The following PVT1 variants were observed in gnomAD, a reference collection of about 807,000 sequenced individuals.
The protein encoded by PVT1 is Pvt1 oncogene.
chr8:127,880,874 C>T (rs1459660505), intron 2 of PVT1, among the ~76,000 whole-genome samples: 2 of 152,238 alleles, frequency 1.3e-5, no homozygotes, highest in East Asian at 1.9e-4. Context: ...GCTGGGATTA[C>T]AGGCGTGAGC....
intron 3 of PVT1, among the ~76,000 whole-genome samples, chr8:127,937,548 GACACACACACACAC>G (rs35147410): frequency 8.2e-5 from 10 of 122,630 alleles, no homozygotes; most frequent in East Asian, 2.4e-4. Context: ...TAGGGAAAAA[GACACACACACACAC>G]ACACACACAC....
At chr8:127,852,017 G>A (rs557514080) in intron 2 of PVT1, 1 of 152,360 alleles carries the variant, frequency 6.6e-6, no homozygotes, top group Non-Finnish European at 1.5e-5. Context: ...TTACAAGGGT[G>A]ATCTGGAGCC....
intron 2 of PVT1, among the ~76,000 whole-genome samples, chr8:127,831,391 T>G (rs772931274): frequency 3.9e-5 from 6 of 151,996 alleles, no homozygotes; most frequent in Non-Finnish European, 7.4e-5. Context: ...GGCAGTAGAT[T>G]GTGGGCGCAG....
intron 3 of PVT1, among the ~76,000 whole-genome samples, chr8:127,981,575 A>G (rs1435655434): frequency 6.6e-6 from 1 of 152,226 alleles, no homozygotes; most frequent in African/African-American, 2.4e-5. Context: ...AACTATTTAC[A>G]TTTAGGGCTG....
At chr8:127,881,080 G>C (rs942433943) in intron 2 of PVT1, among the ~76,000 whole-genome samples, 24 of 152,222 alleles carry the variant, frequency 1.6e-4, no homozygotes, top group Non-Finnish European at 2.1e-4. Flanking sequence ...CTGGTAGAAG[G>C]CTGGTTCTAT....
chr8:127,901,497 G>A (rs1165607169), intron 3 of PVT1, among the ~76,000 whole-genome samples: 1 of 152,244 alleles, frequency 6.6e-6, no homozygotes, highest in African/African-American at 2.4e-5. Context: ...AGGTCAGGAG[G>A]GGGAAACTTC....
At chr8:127,836,765 A>G (rs1814912861) in intron 2 of PVT1, among the ~76,000 whole-genome samples, 1 of 152,196 alleles carries the variant, frequency 6.6e-6, no homozygotes, top group Non-Finnish European at 1.5e-5. Flanking sequence ...TATTACAATA[A>G]GAAACTTGGC....
intron 5 of PVT1, among the ~76,000 whole-genome samples, chr8:128,080,441 G>A (rs1586511122): frequency 6.6e-6 from 1 of 152,164 alleles, no homozygotes; most frequent in Non-Finnish European, 1.5e-5. Context: ...GTGTGTAGTG[G>A]TATCTAATTG....
intron 4 of PVT1, among the ~76,000 whole-genome samples, chr8:128,003,414 T>C (rs528640464): frequency 5.7e-4 from 86 of 151,214 alleles, no homozygotes; most frequent in African/African-American, 1.9e-3. Flanking sequence ...GGAAGGATCA[T>C]GGCCCACTGT....
chr8:128,040,989 G>T (rs1813525015), intron 4 of PVT1, among the ~76,000 whole-genome samples: 1 of 151,404 alleles, frequency 6.6e-6, no homozygotes, highest in South Asian at 2.1e-4. Context: ...GTGTGCTTGT[G>T]TGTGTTTATG....
intron 5 of PVT1, among the ~76,000 whole-genome samples, chr8:128,077,274 T>G (rs569793144): frequency 1.3e-5 from 2 of 152,204 alleles, no homozygotes; most frequent in Non-Finnish European, 2.9e-5. Context: ...TTTCTGTTCC[T>G]GAACACCCCT....
rs945082765 is a variant in PVT1, at chr8:127,933,079, T to A, written n.782+42081T>A. ...TTATTAGCAAACTCAGTTTCATGAT[T>A]TTTTTTTTCTTTTGAGATGGAGTTT... On this transcript the variant is annotated intron_variant and non_coding_transcript_variant, in intron 3 of 10. Coordinates refer to ENST00000651587, the Ensembl canonical transcript of PVT1. 2.0e-5 allele frequency among the ~76,000 whole-genome samples: 3 copies of A among 148,104 alleles called. No homozygotes were observed. The South Asian group carries it at 6.2e-4, about 31-fold the overall frequency.
At chr8:128,097,376 A>G (rs746056767) in intron 6 of PVT1, among the ~76,000 whole-genome samples, 10 of 152,106 alleles carry the variant, frequency 6.6e-5, no homozygotes, top group Non-Finnish European at 1.3e-4. Context: ...CAAACAAACA[A>G]ACAAAAACTA....
intron 2 of PVT1, among the ~76,000 whole-genome samples, chr8:127,878,779 C>T (rs1433385857): frequency 1.3e-5 from 2 of 152,210 alleles, no homozygotes; most frequent in Non-Finnish European, 2.9e-5. Context: ...GCGAGAAATA[C>T]CCACAGCCTC....
At chr8:128,057,485 G>A (rs1337525450) in intron 4 of PVT1, among the ~76,000 whole-genome samples, 1 of 152,068 alleles carries the variant, frequency 6.6e-6, no homozygotes, top group Non-Finnish European at 1.5e-5. Flanking sequence ...AACCTGCAGG[G>A]ATATTTTATC....
chr8:127,976,414 C>T (rs938990518), intron 3 of PVT1, among the ~76,000 whole-genome samples: 4 of 152,194 alleles, frequency 2.6e-5, no homozygotes, highest in Middle Eastern at 3.2e-3. Flanking sequence ...CCACTGGCTA[C>T]TGAAATCTTA....
intron 4 of PVT1, among the ~76,000 whole-genome samples, chr8:128,028,599 C>G (rs867915520): frequency 9.9e-5 from 15 of 152,192 alleles, no homozygotes; most frequent in African/African-American, 3.4e-4. Flanking sequence ...AGCTAGGGAC[C>G]TATCTGCTTC....
intron 4 of PVT1, among the ~76,000 whole-genome samples, chr8:128,065,115 G>A (rs997309779): frequency 6.6e-6 from 1 of 152,210 alleles, no homozygotes; most frequent in African/African-American, 2.4e-5. Flanking sequence ...AGACTAGAGT[G>A]AAGCATTTAC....
intron 2 of PVT1, among the ~76,000 whole-genome samples, chr8:127,814,736 A>C (rs1188008512): frequency 6.6e-6 from 1 of 152,198 alleles, no homozygotes; most frequent in Non-Finnish European, 1.5e-5. Context: ...CATTAAGGCC[A>C]TTGGTATTGT....
Sources: allele counts gnomAD v4.1 joint callset (sites outside exome capture counted in the v4.1 genomes callset), GRCh38; gene constraint gnomAD v4.1.1; transcripts MANE v1.5; gene names NCBI Gene and HGNC (gene_info 2026-07-23, HGNC 2026-07-21).